PEX14: variants seen among roughly 807,000 people sequenced by gnomAD.
PEX14 encodes peroxisomal membrane protein PEX14.
A neutral mutation model predicts 49.5 loss-of-function variants in PEX14; 15 were observed. The ratio of observed to expected loss-of-function variants is 0.30; its 90% CI spans 0.20 to 0.47. The LOEUF (loss-of-function observed/expected upper bound fraction) is 0.47. Among genes scored for constraint, PEX14 ranks in the 20% least tolerant of loss-of-function variants. The pLI is 1.00. For missense variants in PEX14, 398 were observed against 494.8 expected, an observed-to-expected ratio of 0.80 and a Z score of 1.86; for synonymous variants, 210 against 212.7, an observed-to-expected ratio of 0.99 and a Z score of 0.11.
intron 5 of PEX14, among the ~76,000 whole-genome samples, chr1:10,620,455 T>C (rs1272715826): frequency 6.6e-6 from 1 of 151,970 alleles, no homozygotes; most frequent in Admixed American, 6.6e-5. Context: ...ACTACTGCAC[T>C]CCAGCCTCGG....
At chr1:10,594,335 G>T (rs1640767088) in intron 3 of PEX14, among the ~76,000 whole-genome samples, 1 of 152,040 alleles carries the variant, frequency 6.6e-6, no homozygotes. Context: ...TCTGAGAGAG[G>T]TGACCCCCTC....
chr1:10,608,674 GA>G (rs58340058), intron 4 of PEX14, among the ~76,000 whole-genome samples: 113,833 of 142,824 alleles, frequency 0.8, 45,292 homozygotes, highest in African/African-American at 0.86. Flanking sequence ...AAAAAAAAAA[GA>G]AAAAAAAAAA....
chr1:10,614,816 G>C (rs1249086559), intron 4 of PEX14, among the ~76,000 whole-genome samples: 3 of 152,200 alleles, frequency 2.0e-5, no homozygotes, highest in Non-Finnish European at 4.4e-5. Context: ...CTGAGAGAGC[G>C]GGGTGGCCAG....
At chr1:10,535,477 G>T (rs1357941772) in intron 2 of PEX14, among the ~76,000 whole-genome samples, 1 of 152,202 alleles carries the variant, frequency 6.6e-6, no homozygotes, top group Non-Finnish European at 1.5e-5. Context: ...CATTGCAGAA[G>T]GGGGGCCAGA....
chr1:10,621,211 T>C (rs1365596523), intron 5 of PEX14, among the ~76,000 whole-genome samples: 2 of 147,374 alleles, frequency 1.4e-5, no homozygotes, highest in African/African-American at 2.5e-5. Flanking sequence ...AAAAAAGAAA[T>C]GGTAAAAAGC....
intron 5 of PEX14, among the ~76,000 whole-genome samples, chr1:10,621,173 C>T (rs1641579549): frequency 6.7e-6 from 1 of 150,158 alleles, no homozygotes; most frequent in African/African-American, 2.5e-5. Context: ...AAAGCATCTG[C>T]TCAGTTTCTC....
chr1:10,522,602 T>C (rs1247567688), intron 2 of PEX14, among the ~76,000 whole-genome samples: 1 of 152,230 alleles, frequency 6.6e-6, no homozygotes, highest in African/African-American at 2.4e-5. Flanking sequence ...CCTGCTTCTA[T>C]TTTGACTTTA....
intron 3 of PEX14, among the ~76,000 whole-genome samples, chr1:10,548,383 A>G (rs1167431365): frequency 6.6e-6 from 1 of 152,248 alleles, no homozygotes; most frequent in African/African-American, 2.4e-5. Context: ...GGAAAATGTT[A>G]GAAGCAGGGA....
chr1:10,495,417 G>T lies in PEX14; in HGVS notation c.84+96G>T. 1 of 1,018,456 alleles carries T rather than the reference G, an allele frequency of 9.8e-7. No homozygotes were observed. The highest frequency in any genetic ancestry group is 1.5e-6 in the Non-Finnish European group (1 of 660,430). The allele number at this position is 1,018,456 out of a possible 1,614,324, so 63.1% of individuals were successfully genotyped here. A position where few individuals can be genotyped will look rare whatever the true frequency, so the allele number is the denominator to read the frequency against. ...GTTCCTATGGTTCTGCGTCAGTAGT[G>T]TCCCTTTAAAAGTAGCTGTTACCTA... On this transcript the variant is annotated intron_variant, in intron 2 of 8. Coordinates refer to ENST00000356607, the MANE Select transcript of PEX14 (RefSeq NM_004565.3). The surrounding 1 kb of genome is among the most constrained non-coding windows in gnomAD (Gnocchi z 4.2).
intron 3 of PEX14, among the ~76,000 whole-genome samples, chr1:10,583,849 G>A (rs1299519066): frequency 6.6e-6 from 1 of 152,150 alleles, no homozygotes; most frequent in Non-Finnish European, 1.5e-5. Flanking sequence ...AGCTTGAAGA[G>A]GAAGTTGTGT....
chr1:10,509,263 A>C lies in PEX14; in HGVS notation c.84+13942A>C, dbSNP rs1641844147. On this transcript the variant is annotated intron_variant, in intron 2 of 8. Transcript: ENST00000356607. ...GCGCCCGGCAAAGGCATGCCTCTTA[A>C]CCTCACCTCTCCAGCTCTCTGTTGT... Among the ~76,000 whole-genome samples the C allele has an allele frequency of 2.0e-5, 3 of 152,240 alleles. No individual in the cohort carries two copies. The South Asian group carries it at 6.2e-4, about 32-fold the overall frequency.
intron 4 of PEX14, among the ~76,000 whole-genome samples, chr1:10,615,310 A>T (rs182011914): frequency 1.1e-4 from 16 of 152,358 alleles, no homozygotes; most frequent in Non-Finnish European, 2.1e-4. Flanking sequence ...TATCCCTGCT[A>T]TATAAAAAGT....
intron 2 of PEX14, among the ~76,000 whole-genome samples, chr1:10,535,674 C>T (rs1195648332): frequency 6.6e-6 from 1 of 152,112 alleles, no homozygotes; most frequent in Admixed American, 6.5e-5. Flanking sequence ...AGTACAGGCA[C>T]TGAAGAATTG....
intron 3 of PEX14, among the ~76,000 whole-genome samples, chr1:10,577,809 G>A (rs1160548749): frequency 6.7e-6 from 1 of 150,210 alleles, no homozygotes; most frequent in Non-Finnish European, 1.5e-5. Context: ...CACCGTGTTA[G>A]CCAGGATGGT....
chr1:10,546,359 A>C lies in PEX14; in HGVS notation c.169+10062A>C, dbSNP rs578060070. Among the ~76,000 whole-genome samples the C allele has an allele frequency of 2.0e-5, 3 of 151,874 alleles. No individual in the cohort carries two copies. The South Asian group carries it at 6.2e-4, about 32-fold the overall frequency. ...GGCAGGTGGATGACTTGAGGTCAGG[A>C]GTTTGAGACCAGCCTGACCAACATG... On this transcript the variant is annotated intron_variant, in intron 3 of 8. Transcript: ENST00000356607.
intron 3 of PEX14, among the ~76,000 whole-genome samples, chr1:10,543,784 G>C (rs540004686): frequency 1.3e-5 from 2 of 152,126 alleles, no homozygotes; most frequent in Admixed American, 6.5e-5. Flanking sequence ...TTTTTTTGTA[G>C]AGACAGGGTC....
chr1:10,577,776 A>AT (rs907769571), intron 3 of PEX14, among the ~76,000 whole-genome samples: 2 of 137,170 alleles, frequency 1.5e-5, no homozygotes, highest in Non-Finnish European at 3.2e-5. Context: ...AATTTTTTGT[A>AT]TTTTTTTTAG....
intron 3 of PEX14, among the ~76,000 whole-genome samples, chr1:10,564,712 G>A (rs1021300896): frequency 6.6e-6 from 1 of 150,774 alleles, no homozygotes; most frequent in Non-Finnish European, 1.5e-5. Flanking sequence ...GAGATTATAG[G>A]CATGGGCCAC....
chr1:10,565,860 A>G (rs1639788824), intron 3 of PEX14, among the ~76,000 whole-genome samples: 1 of 151,918 alleles, frequency 6.6e-6, no homozygotes, highest in African/African-American at 2.4e-5. Context: ...CAAAAATTAG[A>G]TGGGTGTGGT....
Sources: allele counts gnomAD v4.1 joint callset (sites outside exome capture counted in the v4.1 genomes callset), GRCh38; gene constraint gnomAD v4.1.1; non-coding constraint Gnocchi (gnomAD v3.1); transcripts MANE v1.5; gene names NCBI Gene and HGNC (gene_info 2026-07-23, HGNC 2026-07-21).